The following CAPN14 variants were observed in gnomAD, a reference collection of about 807,000 sequenced individuals.
The protein encoded by CAPN14 is calpain 14.
A neutral mutation model predicts 101.3 loss-of-function variants in CAPN14; 94 were observed. The ratio of observed to expected loss-of-function variants is 0.93; its 90% CI spans 0.79 to 1.10. The LOEUF (loss-of-function observed/expected upper bound fraction) is 1.10, where lower values mean the gene tolerates loss of function less well. Ranked by LOEUF, CAPN14 falls within the 50% of genes least tolerant of loss-of-function variation. CAPN14 has a pLI of 0.00. For missense variants in CAPN14, 837 were observed against 828.4 expected (o/e 1.01, Z -0.13); for synonymous variants, 338 against 317.9 (o/e 1.06, Z -0.67).
At chr2:31,229,223 C>T (rs563439975) in intron 1 of CAPN14, among the ~76,000 whole-genome samples, 1 of 152,042 alleles carries the variant, frequency 6.6e-6, no homozygotes, top group Non-Finnish European at 1.5e-5. Flanking sequence ...TGGGGAGGAG[C>T]ACATAAGTAG....
chr2:31,191,835 A>C, intron 11 of CAPN14, 100 bp downstream of exon 11: 3 of 1,192,630 alleles, frequency 2.5e-6, no homozygotes, highest in Non-Finnish European at 3.5e-6. Context: ...GTCTGTGAAC[A>C]GAGACAGATG....
rs1004682238 is a variant in CAPN14, at chr2:31,181,149, G to C, written c.1646-149C>G. On this transcript the variant is annotated intron_variant, in intron 16 of 21. Transcript: ENST00000403897. ...AAGAGTGAGAATGGAAGACAGTAGA[G>C]AGACGGGGGGGTGACGGTCGTTCCT... The C allele has an allele frequency of 3.6e-5, 23 of 640,208 alleles. No individual in the cohort carries two copies. The African/African-American group carries it at 4.0e-4, about 11-fold the overall frequency. The allele number at this position is 640,208 out of a possible 1,614,324, so 39.7% of individuals were successfully genotyped here. A position where few individuals can be genotyped will look rare whatever the true frequency, so the allele number is the denominator to read the frequency against.
In CAPN14 at chr2:31,202,120, G is replaced by A. The variant is rs375068006; in HGVS notation, c.414+14C>T. On this transcript the variant is annotated intron_variant, in intron 4 of 21. Coordinates refer to ENST00000403897, the MANE Select transcript of CAPN14 (RefSeq NM_001145122.2). ...ATGACTCCCTCTGGGCTGAGGACCC[G>A]GGAAGACACTCACCCAGAACCGGAA... is the stretch of plus-strand genomic sequence containing the variant. The A allele has an allele frequency of 5.5e-5, 86 of 1,550,424 alleles. No individual in the cohort carries two copies. The African/African-American group carries it at 7.1e-4, about 13-fold the overall frequency.
At chr2:31,176,101 T>C (rs558126052) in intron 21 of CAPN14, among the ~76,000 whole-genome samples, 12 of 152,318 alleles carry the variant, frequency 7.9e-5, no homozygotes, top group African/African-American at 2.4e-4. Context: ...GCGTGCCAGA[T>C]TGGAGCCTTG....
intron 6 of CAPN14, 116 bp from the exon 7 acceptor site, chr2:31,199,648 T>A (rs7564077): frequency 0.18 from 136,711 of 768,882 alleles, 13,479 homozygotes; most frequent in East Asian, 0.32. Context: ...TGGGAGATAA[T>A]CATGGTATGG....
chr2:31,173,526 C>A lies in CAPN14; in HGVS notation c.*1155G>T, dbSNP rs74732520. On this transcript the variant is annotated 3_prime_UTR_variant, in exon 22 of 22. Coordinates refer to ENST00000403897, the MANE Select transcript of CAPN14 (RefSeq NM_001145122.2). ...ATCTCTTAACTAAAATGCTTGGGAC[C>A]AGAAGTGTTTCAGATTTCAGGATAT... 3.3e-5 allele frequency: 5 copies of A among 152,144 alleles called. No homozygotes were observed. The highest frequency in any genetic ancestry group is 1.2e-4 in the African/African-American group (5 of 41,420). 9.4% of individuals were successfully genotyped at this position (152,144 alleles called of 1,614,324 possible). A position where few individuals can be genotyped will look rare whatever the true frequency, so the allele number is the denominator to read the frequency against.
At chr2:31,224,162 A>G (rs1357372298) in intron 2 of CAPN14, among the ~76,000 whole-genome samples, 1 of 152,178 alleles carries the variant, frequency 6.6e-6, no homozygotes, top group African/African-American at 2.4e-5. Flanking sequence ...CTATCAATAG[A>G]GAACTCCTCA....
At chr2:31,215,266 A>G (rs56413625) in intron 1 of CAPN14, among the ~76,000 whole-genome samples, 85,995 of 150,900 alleles carry the variant, frequency 0.57, 25,491 homozygotes, top group East Asian at 0.94. Context: ...ATGTAAATTC[A>G]TTCCTTTTTT....
intron 12 of CAPN14, among the ~76,000 whole-genome samples, chr2:31,190,846 T>A (rs1681142936): frequency 6.6e-6 from 1 of 152,298 alleles, no homozygotes; most frequent in Admixed American, 6.5e-5. Flanking sequence ...GCTGCCTCCC[T>A]CAGAAGCTGG....
upstream of CAPN14, among the ~76,000 whole-genome samples, chr2:31,222,379 T>C (rs1280128407): frequency 3.3e-5 from 5 of 152,148 alleles, no homozygotes; most frequent in Non-Finnish European, 7.4e-5. Context: ...TCTGGAATTA[T>C]GTGGAGTTTG....
chr2:31,201,897 C>T lies in CAPN14; in HGVS notation c.516G>A (p.Leu172=), dbSNP rs773533303. 5.2e-6 allele frequency: 8 copies of T among 1,551,724 alleles called. No individual in the cohort carries two copies. The South Asian group carries it at 5.9e-5, about 12-fold the overall frequency. ...CCTTTTCCAGAAGTGCTCCCCAGAACAAGTTCTTATAGGTGGAGGAGACAA... is the reference window on the plus strand; with the variant it reads ...CCTTTTCCAGAAGTGCTCCCCAGAATAAGTTCTTATAGGTGGAGGAGACAA... ...LVFVSSTYKN[L]FWGALLEKAY... is the part of the protein sequence containing the mutation. The change falls in exon 5 of 22, where the codon TTG becomes TTA. Residue 172 remains leucine (L), a synonymous_variant. Coordinates refer to ENST00000403897, the MANE Select transcript of CAPN14 (RefSeq NM_001145122.2).
Position 31,177,125 on chromosome 2 carries a change from C to G in CAPN14, c.1873G>C (p.Asp625His). Residue 625 changes from aspartate (D) to histidine (H), a missense_variant, in exon 20 of 22, where the codon GAC becomes CAC. Physicochemically the swap from Asp to His is moderately conservative, Grantham distance 81. Coordinates refer to ENST00000403897, the MANE Select transcript of CAPN14 (RefSeq NM_001145122.2). ...CGGATGAGCATCAGCTGACAGACGT[C>G]ATCACTGAGCATGATTCCTGCATTG... ...MREAGIMLSD[D>H]VCQLMLIRYG... The G allele has an allele frequency of 6.4e-7, 1 of 1,550,676 alleles. No homozygotes were observed. The highest frequency in any genetic ancestry group is 8.7e-7 in the Non-Finnish European group (1 of 1,146,402).
intron 1 of CAPN14, among the ~76,000 whole-genome samples, chr2:31,227,140 T>G (rs576519261): frequency 6.6e-6 from 1 of 152,262 alleles, no homozygotes; most frequent in African/African-American, 2.4e-5. Context: ...CCTTTGGAAG[T>G]TGAGGTTCTT....
chr2:31,222,023 T>G (rs549763626), upstream of CAPN14, among the ~76,000 whole-genome samples: 1 of 152,248 alleles, frequency 6.6e-6, no homozygotes, highest in Non-Finnish European at 1.5e-5. Context: ...AACAACTATG[T>G]CAAATAGCCA....
At chr2:31,229,925 G>A (rs1230325831) in intron 1 of CAPN14, among the ~76,000 whole-genome samples, 1 of 152,172 alleles carries the variant, frequency 6.6e-6, no homozygotes. Flanking sequence ...GAAATTGTAT[G>A]ATTCTATGCA....
At chr2:31,196,276 T>C (rs564635037) in intron 8 of CAPN14, among the ~76,000 whole-genome samples, 2 of 152,338 alleles carry the variant, frequency 1.3e-5, no homozygotes, top group African/African-American at 4.8e-5. Context: ...GTAACAACAC[T>C]GTAATTGTAC....
At position 31,188,342 on chromosome 2, in the gene CAPN14, G is replaced by A; in HGVS notation, c.1506C>T (p.Ser502=). ...SRKHIFYEIG[S]NSGVVFSKEI... ...CCTTTGAGAAGACGACACCAGAATT[G>A]CTGCCAATTTCACTGAGAACAAACA... The change falls in exon 14 of 22, where the codon AGC becomes AGT. Residue 502 remains serine (S), a synonymous_variant. Transcript: ENST00000403897. 1 of 1,551,580 alleles carries A rather than the reference G, an allele frequency of 6.4e-7. No homozygotes were observed. Among genetic ancestry groups the A allele is most frequent in the Non-Finnish European group, 8.7e-7 (1 of 1,146,932 alleles).
In CAPN14 at chr2:31,205,220, C is replaced by T. The variant is rs994223355; in HGVS notation, c.225+3G>A. 3 of 1,549,416 alleles carry T rather than the reference C, an allele frequency of 1.9e-6. No individual in the cohort carries two copies. In the African/African-American group the frequency reaches 4.1e-5, roughly 21 times the overall value. On this transcript the variant is annotated splice_donor_region_variant and intron_variant, in intron 2 of 21. Coordinates refer to ENST00000403897, the MANE Select transcript of CAPN14 (RefSeq NM_001145122.2). ...GGGTCTGGGCTGACACATTTTGCCT[C>T]ACCGGGGGCCTCTTCCACTGCAGGC...
rs560924319 is a variant in CAPN14 at position 31,212,308 on chromosome 2, A to G, written c.-53+5148T>C. ...CTGGGTGACAGAATAAGACCGTCTC[A>G]AAACAAAAAAAAAAAAAAACAAAAA... On this transcript the variant is annotated intron_variant, in intron 1 of 21. Transcript: ENST00000403897. 7.3e-5 allele frequency among the ~76,000 whole-genome samples: 8 copies of G among 109,318 alleles called. No individual in the cohort carries two copies. The East Asian group carries it at 2.4e-3, about 33-fold the overall frequency. 71.7% of individuals were successfully genotyped at this position (109,318 alleles called of 152,430 possible).
Sources: allele counts gnomAD v4.1 joint callset (sites outside exome capture counted in the v4.1 genomes callset), GRCh38; gene constraint gnomAD v4.1.1; transcripts MANE v1.5; gene names NCBI Gene and HGNC (gene_info 2026-07-23, HGNC 2026-07-21).